Variants in ESR1 observed in about 807,000 individuals in gnomAD.
ESR1 encodes the protein estrogen receptor 1, also known as estrogen receptor.
Under a neutral mutation model 52.7 loss-of-function variants are expected in ESR1, and 12 were observed. The observed-to-expected ratio is 0.23, with a 90% confidence interval of 0.15 to 0.37. ESR1 has a LOEUF of 0.37. ESR1 is among the 10% of genes least tolerant of loss of function. ESR1 has a pLI of 1.00. For missense variants in ESR1, 584 were observed against 779.7 expected, an observed-to-expected ratio of 0.75 and a Z score of 2.99; for synonymous variants, 305 against 316.8, an observed-to-expected ratio of 0.96 and a Z score of 0.39.
intron 2 of ESR1, among the ~76,000 whole-genome samples, chr6:151,848,753 A>G (rs1003514156): frequency 6.6e-6 from 1 of 152,042 alleles, no homozygotes; most frequent in African/African-American, 2.4e-5. Context: ...CTCTTATACG[A>G]TTCAGTTTCC....
chr6:152,041,432 G>A (rs972765434), intron 5 of ESR1, among the ~76,000 whole-genome samples: 2 of 152,210 alleles, frequency 1.3e-5, no homozygotes, highest in Admixed American at 6.5e-5. Flanking sequence ...GGCCTGCTAG[G>A]CATTGTGCCT....
chr6:151,747,680 T>C (rs1783584201), intron 2 of ESR1, among the ~76,000 whole-genome samples: 1 of 152,238 alleles, frequency 6.6e-6, no homozygotes, highest in Non-Finnish European at 1.5e-5. Flanking sequence ...ATTAATTCCT[T>C]TCTGTCTCCA....
chr6:151,904,762 G>A (rs537265701), intron 3 of ESR1, among the ~76,000 whole-genome samples: 1 of 152,170 alleles, frequency 6.6e-6, no homozygotes, highest in African/African-American at 2.4e-5. Context: ...ATTCAGTTAA[G>A]TCCTTCCCCA....
chr6:151,739,509 A>G (rs1782921274), intron 2 of ESR1, among the ~76,000 whole-genome samples: 1 of 152,176 alleles, frequency 6.6e-6, no homozygotes, highest in Non-Finnish European at 1.5e-5. Flanking sequence ...GTATTGTCAA[A>G]GTGAAAAACA....
intron 2 of ESR1, among the ~76,000 whole-genome samples, chr6:151,707,049 C>T (rs145559366): frequency 6.6e-6 from 1 of 152,112 alleles, no homozygotes; most frequent in African/African-American, 2.4e-5. Flanking sequence ...GCGTCTAGCA[C>T]AAAGCTCTAA....
chr6:151,809,532 T>C lies in ESR1; in HGVS notation c.452+1168T>C, dbSNP rs547104480. Among the ~76,000 whole-genome samples the C allele has an allele frequency of 2.0e-5, 3 of 152,304 alleles. No individual in the cohort carries two copies. In the South Asian group the frequency reaches 6.2e-4, roughly 32 times the overall value. On this transcript the variant is annotated intron_variant, in intron 1 of 7. Coordinates refer to ENST00000206249, the MANE Select transcript of ESR1 (RefSeq NM_000125.4). ...AATTAGGCATTTCCCAACTGTACACTGGTATCCGGACTGGTGTCCCTATAT... is the reference window on the plus strand; with the variant it reads ...AATTAGGCATTTCCCAACTGTACACCGGTATCCGGACTGGTGTCCCTATAT...
intron 5 of ESR1, among the ~76,000 whole-genome samples, chr6:152,025,779 A>G (rs186597602): frequency 6.6e-6 from 1 of 151,900 alleles, no homozygotes; most frequent in Non-Finnish European, 1.5e-5. Context: ...CTATCAGTTA[A>G]TGTTTTAGTT....
intron 2 of ESR1, among the ~76,000 whole-genome samples, chr6:151,741,390 G>A (rs539220933): frequency 1.5e-4 from 23 of 152,094 alleles, no homozygotes; most frequent in African/African-American, 5.3e-4. Context: ...ACCGAGGAGC[G>A]CATACGGGAT....
upstream of ESR1, among the ~76,000 whole-genome samples, chr6:151,803,615 A>G (rs893189291): frequency 1.3e-5 from 2 of 152,154 alleles, no homozygotes; most frequent in Non-Finnish European, 2.9e-5. Context: ...AATCCAAGAA[A>G]GTAAACAGGT....
At chr6:151,716,433 C>CCG (rs975741848) in intron 2 of ESR1, among the ~76,000 whole-genome samples, 49 of 152,168 alleles carry the variant, frequency 3.2e-4, no homozygotes, top group African/African-American at 1.2e-3. Flanking sequence ...GTGCTCACAG[C>CCG]CGCCGCTTCC....
intron 1 of ESR1, among the ~76,000 whole-genome samples, chr6:151,698,764 T>A (rs1779555896): frequency 6.6e-6 from 1 of 152,196 alleles, no homozygotes. Context: ...CAAATGATGA[T>A]GCTACACTCC....
chr6:151,974,261 A>G (rs906003212), intron 4 of ESR1, among the ~76,000 whole-genome samples: 2 of 151,994 alleles, frequency 1.3e-5, no homozygotes, highest in African/African-American at 4.8e-5. Context: ...AGTGGCGCCA[A>G]CTCTTATTGA....
At chr6:151,697,176 G>A (rs1314868941) in intron 1 of ESR1, among the ~76,000 whole-genome samples, 1 of 152,182 alleles carries the variant, frequency 6.6e-6, no homozygotes, top group Non-Finnish European at 1.5e-5. Flanking sequence ...GTTTTCAGAT[G>A]AAGAGTGGGT....
At chr6:151,913,624 A>G (rs996885679) in intron 3 of ESR1, among the ~76,000 whole-genome samples, 2 of 152,204 alleles carry the variant, frequency 1.3e-5, no homozygotes, top group Admixed American at 1.3e-4. Flanking sequence ...AATTTATTCT[A>G]TAGGACTTGG....
At chr6:151,761,242 C>G (rs1482574163) in intron 2 of ESR1, among the ~76,000 whole-genome samples, 2 of 150,864 alleles carry the variant, frequency 1.3e-5, no homozygotes, top group Non-Finnish European at 3.0e-5. Flanking sequence ...TACGTTTTAG[C>G]CTTATTTTTT....
At chr6:151,921,170 T>G (rs1584237773) in intron 3 of ESR1, among the ~76,000 whole-genome samples, 1 of 152,282 alleles carries the variant, frequency 6.6e-6, no homozygotes, top group East Asian at 1.9e-4. Context: ...CACTTCTAAG[T>G]GAGAACATGT....
upstream of ESR1, among the ~76,000 whole-genome samples, chr6:151,803,130 C>G (rs777143973): frequency 1.3e-5 from 2 of 152,092 alleles, no homozygotes; most frequent in Non-Finnish European, 2.9e-5. Context: ...TTAACATGGC[C>G]AGGGACAGTG....
chr6:151,863,150 G>A (rs1257957769), intron 2 of ESR1, among the ~76,000 whole-genome samples: 1 of 152,028 alleles, frequency 6.6e-6, no homozygotes, highest in Non-Finnish European at 1.5e-5. Flanking sequence ...CTCTTTTTTG[G>A]TTCCATATGA....
intron 6 of ESR1, chr6:152,122,076 C>T: frequency 2.9e-6 from 1 of 348,916 alleles, no homozygotes; most frequent in Non-Finnish European, 5.5e-6. Context: ...GGAGCAGCAC[C>T]ATGGGAAAGC....
Sources: allele counts gnomAD v4.1 joint callset (sites outside exome capture counted in the v4.1 genomes callset), GRCh38; gene constraint gnomAD v4.1.1; transcripts MANE v1.5; gene names NCBI Gene and HGNC (gene_info 2026-07-23, HGNC 2026-07-21).